MTCL1: variants seen among roughly 807,000 people sequenced by gnomAD.
MTCL1 encodes the protein microtubule crosslinking factor 1.
A neutral mutation model predicts 141.4 loss-of-function variants in MTCL1; 79 were observed. The ratio of observed to expected loss-of-function variants is 0.56; its 90% CI spans 0.47 to 0.67. The LOEUF (loss-of-function observed/expected upper bound fraction) is 0.67. MTCL1 is among the 30% of genes least tolerant of loss of function. The probability of loss-of-function intolerance (pLI) is 0.00; values close to 1 mark genes in which losing one functional copy is unlikely to be tolerated. For missense variants in MTCL1, 2,177 were observed against 2,113.9 expected, an observed-to-expected ratio of 1.03 and a Z score of -0.59; for synonymous variants, 914 against 875.8, an observed-to-expected ratio of 1.04 and a Z score of -0.77.
intron 4 of MTCL1, among the ~76,000 whole-genome samples, chr18:8,741,266 G>A (rs899730310): frequency 6.6e-6 from 1 of 152,206 alleles, no homozygotes; most frequent in African/African-American, 2.4e-5. Flanking sequence ...GAATAATTAT[G>A]TCTGGCTGCC....
At chr18:8,831,243 G>T in intron 16 of MTCL1, 1 of 1,051,432 alleles carries the variant, frequency 9.5e-7, no homozygotes, top group Non-Finnish European at 1.1e-6. Context: ...AGGGCCAAAT[G>T]AACAGATCTA....
intron 2 of MTCL1, chr18:8,718,070 G>A: frequency 1.3e-6 from 1 of 754,012 alleles, no homozygotes; most frequent in Non-Finnish European, 1.8e-6. Flanking sequence ...ATGCCTTAGA[G>A]ATAAAGGCTT....
At chr18:8,762,843 G>C (rs562811789) in intron 4 of MTCL1, among the ~76,000 whole-genome samples, 1 of 152,202 alleles carries the variant, frequency 6.6e-6, no homozygotes, top group African/African-American at 2.4e-5. Context: ...GGAGATGAGC[G>C]TGAGAGCACG....
At chr18:8,814,618 T>C (rs1294581051) in intron 12 of MTCL1, among the ~76,000 whole-genome samples, 1 of 152,236 alleles carries the variant, frequency 6.6e-6, no homozygotes, top group Non-Finnish European at 1.5e-5. Flanking sequence ...TAATTTATTA[T>C]ATCCAACTTA....
At chr18:8,751,971 A>C (rs974529247) in intron 4 of MTCL1, among the ~76,000 whole-genome samples, 5 of 152,162 alleles carry the variant, frequency 3.3e-5, no homozygotes, top group Admixed American at 1.3e-4. Flanking sequence ...TCAGAATTTT[A>C]GCATGTTTGG....
intron 4 of MTCL1, among the ~76,000 whole-genome samples, chr18:8,732,418 G>C (rs1161598628): frequency 6.6e-6 from 1 of 151,944 alleles, no homozygotes; most frequent in East Asian, 1.9e-4. Context: ...GGCTAATTTA[G>C]GTAACTTTTA....
At position 8,777,816 on chromosome 18, in the gene MTCL1, A is replaced by G; in HGVS notation, c.358-17A>G. On this transcript the variant is annotated splice_polypyrimidine_tract_variant and intron_variant, in intron 4 of 16. Coordinates refer to ENST00000359865, the Ensembl canonical transcript of MTCL1. The stretch of plus-strand genomic sequence containing the variant: ...TGTGAGCCCTTGGTCACAGAATGTC[A>G]CTTGGATCTATTTCAGAGTTCCCTA... 2 of 1,613,492 alleles carry G rather than the reference A, an allele frequency of 1.2e-6. No homozygotes were observed. The highest frequency in any genetic ancestry group is 1.1e-5 in the South Asian group (1 of 90,982).
intron 4 of MTCL1, among the ~76,000 whole-genome samples, chr18:8,738,627 G>A (rs1459332465): frequency 6.6e-6 from 1 of 152,162 alleles, no homozygotes; most frequent in African/African-American, 2.4e-5. Context: ...CTTCTTTTGA[G>A]TTTCTCTTCC....
At chr18:8,717,169 C>A (rs1178735329), upstream of MTCL1, among the ~76,000 whole-genome samples, 2 of 152,162 alleles carry the variant, frequency 1.3e-5, no homozygotes, top group African/African-American at 4.8e-5. Flanking sequence ...CAAGCTTGCT[C>A]CCCTCTGAAG....
upstream of MTCL1, among the ~76,000 whole-genome samples, chr18:8,714,466 T>C (rs1555624434): frequency 6.6e-6 from 1 of 152,146 alleles, no homozygotes; most frequent in African/African-American, 2.4e-5. Flanking sequence ...GACTGGGTAA[T>C]TTATAAAGAA....
At chr18:8,797,973 A>G (rs2075983740) in intron 9 of MTCL1, 124 bp from the exon 9 acceptor site, 1 of 918,974 alleles carries the variant, frequency 1.1e-6, no homozygotes, top group Admixed American at 3.9e-5. Flanking sequence ...TTTAGGGGTA[A>G]GGACTGAGAA....
chr18:8,774,165 T>C (rs1327541852), intron 4 of MTCL1, among the ~76,000 whole-genome samples: 2 of 152,220 alleles, frequency 1.3e-5, no homozygotes, highest in African/African-American at 2.4e-5. Flanking sequence ...CTGAGGGCCA[T>C]GGTTCGCCAA....
chr18:8,720,219 G>A, intron 3 of MTCL1, 119 bp from the exon 3 acceptor site: 1 of 893,656 alleles, frequency 1.1e-6, no homozygotes, highest in Non-Finnish European at 1.7e-6. Flanking sequence ...GTATTGCCAG[G>A]GTCTTTGCTA....
intron 4 of MTCL1, among the ~76,000 whole-genome samples, chr18:8,726,756 T>C (rs1274070119): frequency 2.0e-5 from 3 of 152,138 alleles, no homozygotes; most frequent in Non-Finnish European, 4.4e-5. Context: ...TTGAGAGAGA[T>C]GGTGGTGGTT....
intron 4 of MTCL1, among the ~76,000 whole-genome samples, chr18:8,720,812 G>GTAGGGAGTGATTTTT (rs2096166234): frequency 6.6e-6 from 1 of 150,726 alleles, no homozygotes; most frequent in Admixed American, 7.2e-5. Flanking sequence ...CTGGTCTAAA[G>GTAGGGAGTGATTTTT]CTAGTTTTTG....
intron 4 of MTCL1, among the ~76,000 whole-genome samples, chr18:8,758,238 G>C (rs1447285078): frequency 1.3e-5 from 2 of 151,972 alleles, no homozygotes; most frequent in Admixed American, 6.6e-5. Context: ...GGTCAGGCTG[G>C]TCTCAAACTC....
At chr18:8,720,401 A>G in exon 4 of MTCL1, 2 of 1,614,172 alleles carry the variant, frequency 1.2e-6, no homozygotes, top group Non-Finnish European at 1.7e-6. Context: ...AAAGCGCGCT[A>G]AAGCTGAGGA....
chr18:8,831,768 C>T (rs547391897), exon 17 of MTCL1: 32 of 1,550,176 alleles, frequency 2.1e-5, no homozygotes, highest in African/African-American at 2.7e-5. Flanking sequence ...AGCATGGTGG[C>T]GAGGAGCCGC....
chr18:8,745,368 A>C (rs1352526339), intron 4 of MTCL1, among the ~76,000 whole-genome samples: 1 of 152,140 alleles, frequency 6.6e-6, no homozygotes, highest in African/African-American at 2.4e-5. Context: ...TTATTTTTGA[A>C]TAAACCAAGA....
Sources: gnomAD v4.1 joint callset for allele counts (sites outside exome capture counted in the v4.1 genomes callset) on GRCh38, gnomAD v4.1.1 for gene constraint, MANE v1.5 for transcripts, NCBI Gene and HGNC (gene_info 2026-07-23, HGNC 2026-07-21) for gene names.